The following TBL1Y variants were observed in gnomAD, a reference collection of about 807,000 sequenced individuals.
The protein encoded by TBL1Y is transducin beta like 1 Y-linked, also known as F-box-like/WD repeat-containing protein TBL1Y.
TBL1Y carries 15 observed loss-of-function variants against 12.0 expected under a neutral mutation model. The observed-to-expected ratio is 1.25, with a 90% CI of 0.83 to 1.92. The LOEUF is 1.92. Among genes scored for constraint, TBL1Y ranks in the 40% most tolerant of loss-of-function variants. The pLI, the probability that TBL1Y is intolerant of heterozygous loss-of-function variation, is 0.00. For missense variants in TBL1Y, 148 were observed against 116.7 expected (o/e 1.27, Z -1.24); for synonymous variants, 53 against 42.6 (o/e 1.24, Z -0.95).
rs985154020 is a variant in TBL1Y at position 7,082,885 on chromosome Y, G to C, written c.1077+2032G>C. 1.5e-4 allele frequency among the ~76,000 whole-genome samples: 5 copies of C among 33,483 alleles called. No individual in the cohort carries two copies. In the East Asian group the frequency reaches 2.4e-3, roughly 16 times the overall value. The allele number at this position is 33,483 out of a possible 37,273, so 89.8% of individuals were successfully genotyped here. A position where few individuals can be genotyped will look rare whatever the true frequency, so the allele number is the denominator to read the frequency against. Reference sequence around the variant, plus strand: ...AGGACGATCGCGTTCCTGGAGATTTGCCATCATGTCACTAACTTAACTGAT... The same window carrying C: ...AGGACGATCGCGTTCCTGGAGATTTCCCATCATGTCACTAACTTAACTGAT... On this transcript the variant is annotated intron_variant, in intron 14 of 18. Coordinates refer to ENST00000383032, the MANE Select transcript of TBL1Y (RefSeq NM_033284.2).
At chrY:6,987,038 G>C (rs2012323310) in intron 3 of TBL1Y, among the ~76,000 whole-genome samples, 1 of 33,189 alleles carries the variant, frequency 3.0e-5, no homozygotes, top group Non-Finnish European at 7.4e-5. Flanking sequence ...CAGTATGGTT[G>C]CATGGGTACT....
At chrY:7,078,871 G>C in intron 13 of TBL1Y, among the ~76,000 whole-genome samples, 2 of 33,523 alleles carry the variant, frequency 6.0e-5, no homozygotes, top group Non-Finnish European at 7.4e-5. Context: ...TCTGTCATGA[G>C]GTGGGAGTGA....
At chrY:6,933,926 C>G (rs769970966) in intron 2 of TBL1Y, among the ~76,000 whole-genome samples, 1 of 32,998 alleles carries the variant, frequency 3.0e-5, no homozygotes, top group African/African-American at 1.2e-4. Flanking sequence ...TACTTACATT[C>G]TCCATAATGA....
intron 4 of TBL1Y, among the ~76,000 whole-genome samples, chrY:7,004,113 C>T (rs2012469731): frequency 3.0e-5 from 1 of 33,800 alleles, no homozygotes; most frequent in Admixed American, 2.7e-4. Context: ...GAAATGTGCC[C>T]TTCTGCTGCC....
intron 2 of TBL1Y, among the ~76,000 whole-genome samples, chrY:6,976,847 C>T (rs535323248): frequency 6.0e-5 from 2 of 33,369 alleles, no homozygotes; most frequent in African/African-American, 1.2e-4. Flanking sequence ...GTGATTCCCC[C>T]GCAGTCCTTC....
chrY:7,087,935 G>A, intron 17 of TBL1Y, among the ~76,000 whole-genome samples: 1 of 33,309 alleles, frequency 3.0e-5, no homozygotes, highest in Admixed American at 2.8e-4. Context: ...CCGGGAGTAG[G>A]AAGGAATGTG....
chrY:6,987,424 C>G, intron 3 of TBL1Y, among the ~76,000 whole-genome samples: 2 of 31,460 alleles, frequency 6.4e-5, no homozygotes, highest in African/African-American at 2.5e-4. Context: ...GCCTCAGCCT[C>G]CCTAGTAGCT....
At chrY:7,012,177 A>G (rs1010580217) in intron 4 of TBL1Y, among the ~76,000 whole-genome samples, 2 of 34,270 alleles carry the variant, frequency 5.8e-5, no homozygotes, top group African/African-American at 1.1e-4. Flanking sequence ...CTAAAAGGCT[A>G]TGCTCATATG....
At chrY:7,075,191 A>G (rs773450881) in intron 13 of TBL1Y, among the ~76,000 whole-genome samples, 2 of 33,089 alleles carry the variant, frequency 6.0e-5, no homozygotes, top group Middle Eastern at 0.014. Flanking sequence ...AGCAGAGGAC[A>G]TGGGTCCTGC....
At chrY:6,962,378 AT>A (rs2012133801) in intron 2 of TBL1Y, among the ~76,000 whole-genome samples, 2 of 33,469 alleles carry the variant, frequency 6.0e-5, no homozygotes, top group African/African-American at 1.2e-4. Context: ...AAAGTGGGAA[AT>A]TTCTTTTTCT....
intron 2 of TBL1Y, among the ~76,000 whole-genome samples, chrY:6,970,916 G>A (rs2012203011): frequency 2.9e-5 from 1 of 34,695 alleles, no homozygotes; most frequent in Non-Finnish European, 7.2e-5. Flanking sequence ...TGTGTAACGT[G>A]TGTGTGGCTT....
chrY:7,063,831 G>A, intron 7 of TBL1Y, 66 bp from the exon 8 acceptor site: 2 of 385,892 alleles, frequency 5.2e-6, no homozygotes, highest in Non-Finnish European at 7.3e-6. Flanking sequence ...TGCCCAGAGA[G>A]TAGAGACCAT....
intron 4 of TBL1Y, among the ~76,000 whole-genome samples, chrY:7,001,161 G>A (rs769797190): frequency 9.3e-5 from 3 of 32,311 alleles, no homozygotes; most frequent in South Asian, 7.2e-4. Context: ...GCAGCCCAGC[G>A]TGTCAGTAGC....
intron 4 of TBL1Y, among the ~76,000 whole-genome samples, chrY:7,000,131 C>T: frequency 3.1e-5 from 1 of 32,559 alleles, no homozygotes. Context: ...GACTTTCACT[C>T]TGAACTCAGT....
At chrY:6,915,395 G>A (rs1603024404) in intron 2 of TBL1Y, among the ~76,000 whole-genome samples, 1 of 34,085 alleles carries the variant, frequency 2.9e-5, no homozygotes, top group South Asian at 6.6e-4. Flanking sequence ...TTTCTGCACA[G>A]CAGTCTTGAG....
intron 3 of TBL1Y, among the ~76,000 whole-genome samples, chrY:6,988,521 G>A (rs2012336093): frequency 3.2e-5 from 1 of 30,789 alleles, no homozygotes; most frequent in Admixed American, 3.0e-4. Flanking sequence ...TTAGCTGGGC[G>A]TGGAGGTGCG....
chrY:6,935,354 T>C (rs2011896651), intron 2 of TBL1Y, among the ~76,000 whole-genome samples: 1 of 32,988 alleles, frequency 3.0e-5, no homozygotes, highest in African/African-American at 1.2e-4. Context: ...TTGACGTTAC[T>C]GAAATTGTAC....
In TBL1Y at chrY:6,953,985, G is replaced by A; in HGVS notation, c.-265-24228G>A. ...CTGGGTATCAGTAGTGGAGGCTGCA[G>A]AACAGCGAATAATGCTGAACAGCAA... On this transcript the variant is annotated intron_variant, in intron 2 of 18. Transcript: ENST00000383032. Among the ~76,000 whole-genome samples, 3 of 33,932 alleles carry A rather than the reference G, an allele frequency of 8.8e-5. No homozygotes were observed. In the East Asian group the frequency reaches 2.4e-3, roughly 27 times the overall value. The allele number at this position is 33,932 out of a possible 37,273, so 91.0% of individuals were successfully genotyped here.
At chrY:7,015,868 C>G in intron 4 of TBL1Y, among the ~76,000 whole-genome samples, 1 of 33,961 alleles carries the variant, frequency 2.9e-5, no homozygotes, top group East Asian at 7.8e-4. Context: ...CCTACTTAAT[C>G]AATCTCCAGT....
Sources: gnomAD v4.1 joint callset for allele counts (sites outside exome capture counted in the v4.1 genomes callset) on GRCh38, gnomAD v4.1.1 for gene constraint, MANE v1.5 for transcripts, NCBI Gene and HGNC (gene_info 2026-07-23, HGNC 2026-07-21) for gene names.